Variants in C12orf42 observed in about 807,000 individuals in gnomAD.
The protein encoded by C12orf42 is uncharacterized protein C12orf42.
In C12orf42, 25 loss-of-function variants were observed where a neutral mutation model predicts 21.6. The ratio of observed to expected loss-of-function variants is 1.16; its 90% CI spans 0.84 to 1.62. The LOEUF (loss-of-function observed/expected upper bound fraction) is 1.62. Ranked by LOEUF, C12orf42 falls within the 40% of genes most tolerant of loss-of-function variation. The pLI is 0.00. For missense variants in C12orf42, 483 were observed against 459.3 expected (o/e 1.05, Z -0.47); for synonymous variants, 174 against 175.0 (o/e 0.99, Z 0.05).
chr12:103,473,908 T>A (rs1953826185), intron 2 of C12orf42, among the ~76,000 whole-genome samples: 1 of 152,184 alleles, frequency 6.6e-6, no homozygotes, highest in Non-Finnish European at 1.5e-5. Context: ...ACTGGTTAAT[T>A]TTAAATGAAT....
downstream of C12orf42, among the ~76,000 whole-genome samples, chr12:103,236,414 C>A (rs891198066): frequency 6.6e-6 from 1 of 152,184 alleles, no homozygotes; most frequent in Non-Finnish European, 1.5e-5. Flanking sequence ...TGTTGATTTA[C>A]CCCATGCAAG....
At chr12:103,054,933 A>G in the C12orf42 span, among the ~76,000 whole-genome samples, 6 of 152,034 alleles carry the variant, frequency 3.9e-5, no homozygotes, top group East Asian at 1.2e-3. Flanking sequence ...TCACTTGGTC[A>G]TAGTGTGTCA....
At chr12:103,419,817 A>C (rs1475636102) in intron 2 of C12orf42, among the ~76,000 whole-genome samples, 1 of 152,132 alleles carries the variant, frequency 6.6e-6, no homozygotes, top group Admixed American at 6.5e-5. Flanking sequence ...CTGGGGCCCG[A>C]ACCCTGATAT....
intron 4 of C12orf42, among the ~76,000 whole-genome samples, chr12:103,352,573 A>G (rs1246154478): frequency 6.6e-6 from 1 of 152,108 alleles, no homozygotes; most frequent in Admixed American, 6.6e-5. Flanking sequence ...ATGATCTACC[A>G]TATTATCTTA....
At position 103,262,337 on chromosome 12, in the gene C12orf42, G is replaced by T. The variant is rs756253548; in HGVS notation, c.*1366+989C>A. On this transcript the variant is annotated intron_variant and NMD_transcript_variant, in intron 10 of 10. Transcript: ENST00000547347. ...ATACACCTCTATGGTGGAATTATATGCAGTTTCAAAGGATGTGTAATTATG... is the reference window on the plus strand; with the variant it reads ...ATACACCTCTATGGTGGAATTATATTCAGTTTCAAAGGATGTGTAATTATG... The T allele has an allele frequency of 3.3e-5, 5 of 152,296 alleles. No individual in the cohort carries two copies. The East Asian group carries it at 9.6e-4, about 29-fold the overall frequency. The allele number at this position is 152,296 out of a possible 1,614,324, so 9.4% of individuals were successfully genotyped here. A position where few individuals can be genotyped will look rare whatever the true frequency, so the allele number is the denominator to read the frequency against.
At chr12:103,365,651 C>T (rs1021683814) in intron 4 of C12orf42, among the ~76,000 whole-genome samples, 7 of 152,000 alleles carry the variant, frequency 4.6e-5, no homozygotes, top group African/African-American at 1.7e-4. Flanking sequence ...AATTAATGTA[C>T]ACAAATTAGT....
chr12:103,228,626 A>C, the C12orf42 span, among the ~76,000 whole-genome samples: 1 of 152,078 alleles, frequency 6.6e-6, no homozygotes, highest in Non-Finnish European at 1.5e-5. Context: ...ATAGGAAGTG[A>C]GACTGGGGAT....
At chr12:103,512,072 G>A in the C12orf42 span, among the ~76,000 whole-genome samples, 1 of 152,122 alleles carries the variant, frequency 6.6e-6, no homozygotes, top group East Asian at 1.9e-4. Context: ...AATAGAGTAG[G>A]CATATTTTTA....
the C12orf42 span, among the ~76,000 whole-genome samples, chr12:103,523,024 CA>C: frequency 3.9e-5 from 6 of 152,344 alleles, no homozygotes; most frequent in African/African-American, 1.4e-4. Context: ...GAGGGAAAAA[CA>C]ATCCCAAGAT....
the C12orf42 span, chr12:103,504,972 C>T: frequency 2.1e-3 from 352 of 169,730 alleles, 4 homozygotes; most frequent in African/African-American, 8.2e-3. Context: ...TCTCAAACCC[C>T]TTCCCAGAGA....
At chr12:103,184,716 C>A in the C12orf42 span, among the ~76,000 whole-genome samples, 9 of 61,334 alleles carry the variant, frequency 1.5e-4, no homozygotes, top group East Asian at 3.2e-3. Context: ...TTGTCACCCC[C>A]CCCCCCCCAA....
At chr12:103,256,167 T>C (rs1436447160) in intron 10 of C12orf42, among the ~76,000 whole-genome samples, 2 of 128,026 alleles carry the variant, frequency 1.6e-5, no homozygotes, top group African/African-American at 5.7e-5. Flanking sequence ...CACATATATA[T>C]ACACATATAT....
At chr12:103,241,410 C>T (rs1438369685) in intron 10 of C12orf42, among the ~76,000 whole-genome samples, 3 of 152,124 alleles carry the variant, frequency 2.0e-5, no homozygotes, top group Non-Finnish European at 2.9e-5. Flanking sequence ...CAAGTAACCA[C>T]GTCCGGTGGC....
intron 4 of C12orf42, among the ~76,000 whole-genome samples, chr12:103,352,733 G>A (rs780582028): frequency 3.9e-5 from 6 of 152,038 alleles, no homozygotes; most frequent in South Asian, 2.1e-4. Flanking sequence ...GGCTATGAAG[G>A]GTACCAGATC....
intron 4 of C12orf42, among the ~76,000 whole-genome samples, chr12:103,296,582 T>C (rs1176143823): frequency 8.5e-5 from 13 of 152,210 alleles, no homozygotes. Context: ...TATCTCATTG[T>C]GGTTTTGATT....
chr12:103,369,272 A>C (rs1174527530), intron 3 of C12orf42, among the ~76,000 whole-genome samples: 5 of 152,114 alleles, frequency 3.3e-5, no homozygotes, highest in Admixed American at 2.0e-4. Context: ...TATATGCTAG[A>C]TATTATTCTA....
At chr12:103,249,075 G>C (rs2034151311) in intron 10 of C12orf42, among the ~76,000 whole-genome samples, 1 of 152,016 alleles carries the variant, frequency 6.6e-6, no homozygotes, top group South Asian at 2.1e-4. Context: ...GATGACCACA[G>C]AGTGGAGGGA....
At chr12:103,257,050 C>A (rs1233644474) in intron 10 of C12orf42, among the ~76,000 whole-genome samples, 1 of 152,064 alleles carries the variant, frequency 6.6e-6, no homozygotes, top group Non-Finnish European at 1.5e-5. Flanking sequence ...AGAATTAGAT[C>A]ATGTCCTTTG....
chr12:103,494,164 C>T (rs1955360337), intron 1 of C12orf42, among the ~76,000 whole-genome samples: 2 of 152,202 alleles, frequency 1.3e-5, no homozygotes, highest in Admixed American at 6.5e-5. Flanking sequence ...TCCACAATAG[C>T]CTGGCCCTCT....
Sources: gnomAD v4.1 joint callset for allele counts (sites outside exome capture counted in the v4.1 genomes callset) on GRCh38, gnomAD v4.1.1 for gene constraint, MANE v1.5 for transcripts, NCBI Gene and HGNC (gene_info 2026-07-23, HGNC 2026-07-21) for gene names.